PIWIL3: variants seen among roughly 807,000 people sequenced by gnomAD.
PIWIL3 encodes the protein piwi like RNA-mediated gene silencing 3.
In PIWIL3, 101 loss-of-function variants were observed where a neutral mutation model predicts 109.7. The ratio of observed to expected loss-of-function variants is 0.92; its 90% CI spans 0.78 to 1.09. PIWIL3 has a LOEUF of 1.09. Ranked by LOEUF, PIWIL3 falls within the 50% of genes least tolerant of loss-of-function variation. The pLI is 0.00. For missense variants in PIWIL3, 1,031 were observed against 1,072.6 expected (o/e 0.96, Z 0.54); for synonymous variants, 373 against 376.4 (o/e 0.99, Z 0.10).
chr22:24,765,168 C>T (rs1925715434), intron 1 of PIWIL3, among the ~76,000 whole-genome samples: 1 of 152,154 alleles, frequency 6.6e-6, no homozygotes, highest in Non-Finnish European at 1.5e-5. Context: ...GGCAAATTCA[C>T]TGTTTCACTG....
intron 2 of PIWIL3, among the ~76,000 whole-genome samples, chr22:24,761,615 AG>A (rs1004500276): frequency 9.2e-5 from 14 of 152,200 alleles, no homozygotes; most frequent in African/African-American, 3.4e-4. Flanking sequence ...GGACTGGCTA[AG>A]GGGCTAAGTA....
Position 24,754,675 on chromosome 22 carries a change from A to G in PIWIL3, c.773+109T>C, listed in dbSNP as rs953132103. The G allele has an allele frequency of 2.5e-5, 21 of 841,832 alleles. No homozygotes were observed. In the African/African-American group the frequency reaches 3.4e-4, roughly 14 times the overall value. 52.1% of individuals were successfully genotyped at this position (841,832 alleles called of 1,614,324 possible). A position where few individuals can be genotyped will look rare whatever the true frequency, so the allele number is the denominator to read the frequency against. On this transcript the variant is annotated intron_variant, in intron 7 of 20. Coordinates refer to ENST00000616349, the MANE Select transcript of PIWIL3 (RefSeq NM_001255975.1). ...GTTCATGGTCAGTGGATACCATTTA[A>G]AAGGCCATCACTTTTAAGGCATACC...
In PIWIL3 at chr22:24,719,817, CG is replaced by C; in HGVS notation, c.2435del (p.Thr812ArgfsTer4). The C allele has an allele frequency of 6.2e-7, 1 of 1,611,290 alleles. No homozygotes were observed. The highest frequency in any genetic ancestry group is 8.5e-7 in the Non-Finnish European group (1 of 1,177,444). On this transcript the variant is annotated frameshift_variant, in exon 20 of 21. Transcript: ENST00000616349. LOFTEE classifies it high-confidence loss of function. The part of the protein sequence containing the change: ...TPTHYNVIYD[T>X]IGLSPDTVQR... ...GTACTGTATCTGGGCTCAAGCCAAT[CG>C]TGTCATAGATGACGTTATAATGAGT...
chr22:24,774,031 A>T (rs1052272186), intron 1 of PIWIL3, among the ~76,000 whole-genome samples: 1 of 152,168 alleles, frequency 6.6e-6, no homozygotes, highest in Non-Finnish European at 1.5e-5. Flanking sequence ...CTAGATTTTT[A>T]AAATAAATAT....
chr22:24,754,279 G>A (rs1924883437), intron 7 of PIWIL3, 62 bp from the exon 8 acceptor site: 1 of 1,431,562 alleles, frequency 7.0e-7, no homozygotes, highest in Non-Finnish European at 9.6e-7. Context: ...GGGTTTCCAA[G>A]CCTAAGCTCT....
intron 14 of PIWIL3, among the ~76,000 whole-genome samples, chr22:24,732,093 C>T (rs1329992693): frequency 1.3e-5 from 2 of 152,206 alleles, no homozygotes; most frequent in Non-Finnish European, 2.9e-5. Flanking sequence ...ATGTCATTAC[C>T]AGTCACATTT....
chr22:24,725,366 G>T lies in PIWIL3; in HGVS notation c.2080+79C>A. On this transcript the variant is annotated intron_variant, in intron 17 of 20. Coordinates refer to ENST00000616349, the MANE Select transcript of PIWIL3 (RefSeq NM_001255975.1). ...ACTAAAGGTTCAGTCATTACCAAGT[G>T]TCCCCTGGAGGCAGTAAGTCCATTG... 8 of 1,533,158 alleles carry T rather than the reference G, an allele frequency of 5.2e-6. No individual in the cohort carries two copies. The South Asian group carries it at 9.2e-5, about 18-fold the overall frequency. The allele number at this position is 1,533,158 out of a possible 1,614,324, so 95.0% of individuals were successfully genotyped here. A position where few individuals can be genotyped will look rare whatever the true frequency, so the allele number is the denominator to read the frequency against.
At chr22:24,748,882 CATG>C (rs1924532860) in intron 12 of PIWIL3, 22 bp downstream of exon 12, 16 of 1,563,938 alleles carry the variant, frequency 1.0e-5, no homozygotes, top group Middle Eastern at 1.7e-4. Flanking sequence ...CCCACCATGA[CATG>C]ATGATTTTGA....
intron 12 of PIWIL3, among the ~76,000 whole-genome samples, chr22:24,744,563 A>C (rs1031235553): frequency 2.0e-5 from 3 of 152,096 alleles, no homozygotes; most frequent in Admixed American, 1.3e-4. Flanking sequence ...ACAGAGCAAG[A>C]CTCTGTCTCA....
intron 3 of PIWIL3, 87 bp from the exon 4 acceptor site, chr22:24,758,126 A>T: frequency 1.4e-6 from 2 of 1,431,878 alleles, no homozygotes; most frequent in Non-Finnish European, 1.9e-6. Flanking sequence ...AGTTTGTTAG[A>T]GGTAGAAAAG....
chr22:24,729,115 G>A (rs561050740), intron 14 of PIWIL3, among the ~76,000 whole-genome samples: 19 of 152,186 alleles, frequency 1.2e-4, no homozygotes, highest in Admixed American at 3.9e-4. Flanking sequence ...GCATAAGGGG[G>A]AGGCTTGGCT....
At chr22:24,771,478 A>G (rs1389220958) in intron 1 of PIWIL3, among the ~76,000 whole-genome samples, 92 of 45,592 alleles carry the variant, frequency 2.0e-3, no homozygotes, top group African/African-American at 7.0e-3. Context: ...CTCCATCTCA[A>G]AAAAAAAAAA....
At chr22:24,770,705 G>A (rs983650234) in intron 1 of PIWIL3, among the ~76,000 whole-genome samples, 4 of 150,818 alleles carry the variant, frequency 2.7e-5, no homozygotes, top group Admixed American at 6.6e-5. Context: ...CATGGTGGCA[G>A]GCACCTGTAA....
At chr22:24,750,429 G>C (rs193238809) in intron 9 of PIWIL3, among the ~76,000 whole-genome samples, 7 of 151,332 alleles carry the variant, frequency 4.6e-5, no homozygotes, top group African/African-American at 1.7e-4. Context: ...GTTCTACAGG[G>C]CTGAGATTTC....
intron 1 of PIWIL3, 126 bp from the exon 2 acceptor site, chr22:24,762,647 A>G: frequency 1.3e-6 from 1 of 771,022 alleles, no homozygotes; most frequent in East Asian, 3.2e-5. Context: ...TTGGCTCATC[A>G]TTCTGATGGC....
At chr22:24,752,028 A>G (rs371930846) in intron 8 of PIWIL3, among the ~76,000 whole-genome samples, 1 of 152,366 alleles carries the variant, frequency 6.6e-6, no homozygotes, top group African/African-American at 2.4e-5. Context: ...GAATAAGGTT[A>G]TGAACATTTA....
chr22:24,766,887 TG>T (rs1395089594), intron 1 of PIWIL3, among the ~76,000 whole-genome samples: 1 of 151,768 alleles, frequency 6.6e-6, no homozygotes, highest in African/African-American at 2.4e-5. Flanking sequence ...CCCAGCACTT[TG>T]GGAGGCTGAG....
chr22:24,728,570 T>C (rs1923136045), intron 14 of PIWIL3, among the ~76,000 whole-genome samples, 196 bp from the exon 15 acceptor site: 2 of 152,220 alleles, frequency 1.3e-5, no homozygotes, highest in Non-Finnish European at 2.9e-5. Flanking sequence ...AACTTATATG[T>C]ATTTATTAGA....
rs371869040 is a variant in PIWIL3 at position 24,719,583 on chromosome 22, G to A, written c.2511C>T (p.Ile837=). The A allele has an allele frequency of 3.1e-6, 5 of 1,588,732 alleles. No homozygotes were observed. Among genetic ancestry groups the A allele is most frequent in the African/African-American group, 1.4e-5 (1 of 73,612 alleles). ...LCHMYYNLPG[I]IRVPAPCHYA... ...AGTGGCAAGGCGCTGGAACTCGGAT[G>A]ATGCCCTTTAGTAGGAAAAGAAAAT... Residue 837 remains isoleucine (I), a synonymous_variant, in exon 21 of 21, where the codon ATC becomes ATT. Coordinates refer to ENST00000616349, the MANE Select transcript of PIWIL3 (RefSeq NM_001255975.1).
Sources: gnomAD v4.1 joint callset for allele counts (sites outside exome capture counted in the v4.1 genomes callset) on GRCh38, gnomAD v4.1.1 for gene constraint, MANE v1.5 for transcripts, NCBI Gene and HGNC (gene_info 2026-07-23, HGNC 2026-07-21) for gene names.